Variants in RNPC3 observed in about 807,000 individuals in gnomAD.
RNPC3 encodes RNA-binding region-containing protein 3.
RNPC3 carries 48 observed loss-of-function variants against 67.5 expected under a neutral mutation model. That is an observed-to-expected ratio of 0.71 (90% CI 0.56 to 0.90). The LOEUF (loss-of-function observed/expected upper bound fraction) is 0.90, where lower values mean the gene tolerates loss of function less well. Among genes scored for constraint, RNPC3 ranks in the 40% least tolerant of loss-of-function variants. The probability of loss-of-function intolerance (pLI) is 0.00; values close to 1 mark genes in which losing one functional copy is unlikely to be tolerated. For synonymous variants in RNPC3, 239 were observed against 210.3 expected, an observed-to-expected ratio of 1.14 and a Z score of -1.18; for missense variants, 637 against 626.1, an observed-to-expected ratio of 1.02 and a Z score of -0.19.
intron 12 of RNPC3, among the ~76,000 whole-genome samples, chr1:103,547,629 T>C (rs1651279024): frequency 6.6e-6 from 1 of 152,218 alleles, no homozygotes; most frequent in Admixed American, 6.5e-5. Context: ...TATGAAGCAA[T>C]GAGTCAAAAC....
chr1:103,534,572 G>T (rs921653581), intron 3 of RNPC3, among the ~76,000 whole-genome samples: 1 of 151,606 alleles, frequency 6.6e-6, no homozygotes, highest in Admixed American at 6.6e-5. Flanking sequence ...AATACAGAAA[G>T]GATTCAGTGA....
In RNPC3 at chr1:103,544,989, T is replaced by G; in HGVS notation, c.1094T>G (p.Ile365Ser). 6.5e-7 allele frequency: 1 copy of G among 1,533,608 alleles called. No homozygotes were observed. The highest frequency in any genetic ancestry group is 8.7e-7 in the Non-Finnish European group (1 of 1,144,766). The change falls in exon 10 of 15, where the codon ATC becomes AGC. Residue 365 changes from isoleucine to serine, a missense_variant. Physicochemically the swap from Ile to Ser is moderately radical, Grantham distance 142. Around this residue, in one of 3 missense-constraint regions of RNPC3, gnomAD observed 536 missense variants for 500.3 expected, o/e 1.07. Coordinates refer to ENST00000423855, the MANE Select transcript of RNPC3 (RefSeq NM_017619.4). ...VDASNIGFGK[I>S]FPKPNLDITE... Reference sequence around the variant, plus strand: ...GCATCCAATATAGGATTTGGAAAAATCTTCCCCAAACCTAATTTGGACATC... The same window carrying G: ...GCATCCAATATAGGATTTGGAAAAAGCTTCCCCAAACCTAATTTGGACATC...
chr1:103,529,257 A>C (rs1249749514), intron 2 of RNPC3, among the ~76,000 whole-genome samples: 1 of 151,910 alleles, frequency 6.6e-6, no homozygotes, highest in Non-Finnish European at 1.5e-5. Context: ...ATGGTAGGTA[A>C]TTTTTTTTCA....
intron 7 of RNPC3, among the ~76,000 whole-genome samples, chr1:103,539,840 G>C (rs1264854405): frequency 6.6e-6 from 1 of 152,082 alleles, no homozygotes; most frequent in Non-Finnish European, 1.5e-5. Context: ...GGCTGGCTTA[G>C]TGACACCTTT....
rs34109337 is a variant in RNPC3 at position 103,550,640 on chromosome 1, CAAAAAAAAAAAA to C, written c.1362-292_1362-281del. Among the ~76,000 whole-genome samples the C allele has an allele frequency of 3.6e-3, 318 of 88,642 alleles. 2 individuals carry two copies. The highest frequency in any genetic ancestry group is 0.014 in the African/African-American group (306 of 21,998). 58.2% of individuals were successfully genotyped at this position (88,642 alleles called of 152,430 possible). A position where few individuals can be genotyped will look rare whatever the true frequency, so the allele number is the denominator to read the frequency against. ...TGGGTGACAGAGTGAGACTCTGTCT[CAAAAAAAAAAAA>C]AAAAAAAAGAAGTTTGGTTTTCTAG... On this transcript the variant is annotated intron_variant, in intron 12 of 14. Coordinates refer to ENST00000423855, the MANE Select transcript of RNPC3 (RefSeq NM_017619.4).
rs1181869176 is a variant in RNPC3, at chr1:103,526,105, G to A, written c.35G>A (p.Arg12Lys). 2.1e-5 allele frequency: 32 copies of A among 1,549,926 alleles called. No individual in the cohort carries two copies. Among genetic ancestry groups the A allele is most frequent in the Non-Finnish European group, 2.5e-5 (29 of 1,146,052 alleles). ...CCCGAGCAGCCGCTTGCGATATCAA[G>A]GGGATGCACGAGCTCCTCCTCGCTT... is the stretch of plus-strand genomic sequence containing the variant. The part of the protein sequence containing the change: ...AAPEQPLAIS[R>K]GCTSSSSLSP... Residue 12 changes from arginine to lysine, a missense_variant, in exon 1 of 15, where the codon AGG becomes AAG. Around this residue, in one of 3 missense-constraint regions of RNPC3, gnomAD observed 536 missense variants for 500.3 expected, o/e 1.07. Coordinates refer to ENST00000423855, the MANE Select transcript of RNPC3 (RefSeq NM_017619.4).
At chr1:103,536,402 A>G (rs550482607) in intron 6 of RNPC3, among the ~76,000 whole-genome samples, 1 of 152,346 alleles carries the variant, frequency 6.6e-6, no homozygotes, top group South Asian at 2.1e-4. Flanking sequence ...AATAAAGGCT[A>G]TCATTTCATC....
chr1:103,536,795 C>A (rs1650997208), intron 6 of RNPC3, among the ~76,000 whole-genome samples: 1 of 150,992 alleles, frequency 6.6e-6, no homozygotes, highest in African/African-American at 2.4e-5. Context: ...CTTTTTGTAA[C>A]CCCAACACCT....
At chr1:103,551,148 C>A in intron 13 of RNPC3, 75 bp downstream of exon 13, 1 of 1,314,612 alleles carries the variant, frequency 7.6e-7, no homozygotes, top group Non-Finnish European at 1.0e-6. Context: ...TTTCATGTTA[C>A]CCTTTAGAAA....
In RNPC3 at chr1:103,544,916, G is replaced by A. The variant is rs1019592251; in HGVS notation, c.1046-25G>A. The A allele has an allele frequency of 6.2e-6, 9 of 1,451,832 alleles. No homozygotes were observed. The South Asian group carries it at 6.6e-5, about 11-fold the overall frequency. 89.9% of individuals were successfully genotyped at this position (1,451,832 alleles called of 1,614,324 possible). Reference sequence around the variant, plus strand: ...ATTTTTAAAGGAGAGATTCTTAATGGTTAATGTTAATATTGAACTCTTAGA... The same window carrying A: ...ATTTTTAAAGGAGAGATTCTTAATGATTAATGTTAATATTGAACTCTTAGA... On this transcript the variant is annotated intron_variant, in intron 9 of 14. Transcript: ENST00000423855.
chr1:103,529,526 A>G (rs1447970979), intron 2 of RNPC3, among the ~76,000 whole-genome samples: 1 of 152,156 alleles, frequency 6.6e-6, no homozygotes, highest in Non-Finnish European at 1.5e-5. Context: ...AGAATAGAGT[A>G]AGTAGCCGAG....
At chr1:103,548,821 A>C (rs1463009076) in intron 12 of RNPC3, among the ~76,000 whole-genome samples, 5 of 152,198 alleles carry the variant, frequency 3.3e-5, no homozygotes, top group African/African-American at 1.2e-4. Context: ...TGGGCAATTT[A>C]CAAAGGAAAG....
chr1:103,545,357 A>G (rs777552592), intron 10 of RNPC3: 15 of 291,670 alleles, frequency 5.1e-5, no homozygotes, highest in Non-Finnish European at 8.9e-5. Context: ...TAAAACTTTC[A>G]TGTGGCATTT....
chr1:103,542,921 G>A (rs1485986697), intron 8 of RNPC3, among the ~76,000 whole-genome samples: 4 of 151,550 alleles, frequency 2.6e-5, no homozygotes, highest in Non-Finnish European at 5.9e-5. Flanking sequence ...AGTCATCAAA[G>A]TCTAATATTA....
chr1:103,542,841 A>G (rs1651156152), intron 8 of RNPC3, among the ~76,000 whole-genome samples: 1 of 151,778 alleles, frequency 6.6e-6, no homozygotes, highest in African/African-American at 2.4e-5. Context: ...ATAATGAGAA[A>G]TAATACGTTA....
At chr1:103,545,328 A>T (rs758403811) in intron 10 of RNPC3, 36 of 341,958 alleles carry the variant, frequency 1.1e-4, no homozygotes, top group Non-Finnish European at 1.6e-4. Context: ...TATTTAGGAA[A>T]AAATTTTGTT....
At chr1:103,535,998 G>A (rs1650975072) in intron 5 of RNPC3, 128 bp from the exon 6 acceptor site, 1 of 641,988 alleles carries the variant, frequency 1.6e-6, no homozygotes, top group East Asian at 2.8e-5. Flanking sequence ...AGATTTTAAA[G>A]GCAAGAGATG....
chr1:103,533,691 A>T, intron 2 of RNPC3, 48 bp from the exon 3 acceptor site: 2 of 1,038,740 alleles, frequency 1.9e-6, no homozygotes, highest in Admixed American at 2.3e-5. Flanking sequence ...CTAACGAATC[A>T]TTTTTGGTAC....
chr1:103,534,767 G>A lies in RNPC3; in HGVS notation c.360-7G>A. The A allele has an allele frequency of 1.3e-6, 2 of 1,498,248 alleles. No individual in the cohort carries two copies. The highest frequency in any genetic ancestry group is 1.8e-6 in the Non-Finnish European group (2 of 1,118,920). The allele number at this position is 1,498,248 out of a possible 1,614,324, so 92.8% of individuals were successfully genotyped here. On this transcript the variant is annotated splice_region_variant and splice_polypyrimidine_tract_variant and intron_variant, in intron 3 of 14. Transcript: ENST00000423855. ...GATAAGATTAACTTTGATTCTGTAT[G>A]TCCCAGGTCTGATGACCCTGTCGAA...
Sources: allele counts gnomAD v4.1 joint callset (sites outside exome capture counted in the v4.1 genomes callset), GRCh38; gene constraint gnomAD v4.1.1; regional missense constraint gnomAD v4.1.1; transcripts MANE v1.5; gene names NCBI Gene and HGNC (gene_info 2026-07-23, HGNC 2026-07-21).